Variants in RGL1 observed in about 807,000 individuals in gnomAD.
RGL1 encodes the protein ral guanine nucleotide dissociation stimulator-like 1.
Under a neutral mutation model 95.2 loss-of-function variants are expected in RGL1, and 24 were observed. The ratio of observed to expected loss-of-function variants is 0.25; its 90% CI spans 0.18 to 0.35. The LOEUF is 0.35. Ranked by LOEUF, RGL1 falls within the 10% of genes least tolerant of loss-of-function variation. The pLI is 1.00. For synonymous variants in RGL1, 329 were observed against 344.9 expected, an observed-to-expected ratio of 0.95 and a Z score of 0.51; for missense variants, 715 against 936.3, an observed-to-expected ratio of 0.76 and a Z score of 3.08.
chr1:183,755,827 T>A (rs896444625), intron 2 of RGL1, among the ~76,000 whole-genome samples: 1 of 152,096 alleles, frequency 6.6e-6, no homozygotes, highest in South Asian at 2.1e-4. Flanking sequence ...TGGGCACTCA[T>A]AGGTGTGCAT....
At chr1:183,776,685 T>C (rs1217167669) in intron 2 of RGL1, among the ~76,000 whole-genome samples, 1 of 151,920 alleles carries the variant, frequency 6.6e-6, no homozygotes, top group African/African-American at 2.4e-5. Flanking sequence ...CTACAGGGAA[T>C]GGAGAATGAA....
chr1:183,636,607 T>G (rs1383992538), intron 1 of RGL1: 1 of 157,200 alleles, frequency 6.4e-6, no homozygotes, highest in Non-Finnish European at 1.4e-5. Flanking sequence ...CATTGACATC[T>G]TAAAATAGGT....
intron 11 of RGL1, 54 bp from the exon 12 acceptor site, chr1:183,902,514 G>T: frequency 2.0e-6 from 3 of 1,486,394 alleles, no homozygotes; most frequent in Non-Finnish European, 1.9e-6. Context: ...ACAACATATG[G>T]CTGTGTTTTA....
chr1:183,723,324 TA>T (rs201461914), intron 1 of RGL1, among the ~76,000 whole-genome samples: 4 of 152,044 alleles, frequency 2.6e-5, no homozygotes, highest in African/African-American at 9.7e-5. Context: ...TCTACCCACA[TA>T]AAAAAACACC....
At chr1:183,656,311 A>G (rs1207700673) in intron 1 of RGL1, among the ~76,000 whole-genome samples, 2 of 152,214 alleles carry the variant, frequency 1.3e-5, no homozygotes, top group African/African-American at 4.8e-5. Context: ...AGTTTTGGTC[A>G]GTGTCAAAAT....
intron 5 of RGL1, among the ~76,000 whole-genome samples, chr1:183,881,026 G>T (rs924319416): frequency 1.3e-5 from 2 of 152,086 alleles, no homozygotes; most frequent in Non-Finnish European, 1.5e-5. Context: ...ACCTAATCTG[G>T]CTCCCTCATT....
intron 2 of RGL1, among the ~76,000 whole-genome samples, chr1:183,839,164 C>T (rs1338853059): frequency 6.6e-6 from 1 of 152,214 alleles, no homozygotes; most frequent in African/African-American, 2.4e-5. Context: ...GGTACTCATC[C>T]AGATACCATC....
intron 1 of RGL1, among the ~76,000 whole-genome samples, chr1:183,645,458 C>T (rs1650220270): frequency 6.6e-6 from 1 of 152,214 alleles, no homozygotes; most frequent in South Asian, 2.1e-4. Flanking sequence ...TTTTCCAGAT[C>T]ATCATATTAC....
chr1:183,896,266 G>A (rs1667694105), intron 9 of RGL1, among the ~76,000 whole-genome samples: 1 of 152,152 alleles, frequency 6.6e-6, no homozygotes, highest in South Asian at 2.1e-4. Context: ...GCTCAAGTTG[G>A]ACTTGAACTC....
chr1:183,912,199 G>A lies in RGL1; in HGVS notation c.1680G>A (p.Glu560=), dbSNP rs976062839. The part of the protein sequence containing the change: ...SMDSVSVSSC[E]SNHSEAEEGS... ...ACTCTGTCAGCGTGTCATCCTGCGA[G>A]TCGAACCACTCAGAGGCTGAGGAGG... Residue 560 remains glutamate, a synonymous_variant, in exon 15 of 18, where the codon GAG becomes GAA. Coordinates refer to ENST00000360851, the MANE Select transcript of RGL1 (RefSeq NM_001297671.3). The A allele has an allele frequency of 6.2e-7, 1 of 1,614,090 alleles. No homozygotes were observed. The highest frequency in any genetic ancestry group is 8.5e-7 in the Non-Finnish European group (1 of 1,180,004).
chr1:183,639,226 A>G (rs1166891515), intron 1 of RGL1, among the ~76,000 whole-genome samples: 3 of 151,108 alleles, frequency 2.0e-5, no homozygotes, highest in Non-Finnish European at 4.4e-5. Flanking sequence ...GATGGCAGTG[A>G]GCTGAGATCG....
In RGL1 at chr1:183,916,519, A is replaced by G. The variant is rs746046181; in HGVS notation, c.1822A>G (p.Ile608Val). Residue 608 changes from isoleucine to valine, a missense_variant, in exon 16 of 18, where the codon ATC becomes GTC. Transcript: ENST00000360851. ...DTNSSGMSSL[I>V]NPLSSPPSCN... Reference sequence around the variant, plus strand: ...AAATTCCTCAGGGATGTCTTCCTTAATCAACCCCCTCTCCTCCCCTCCGTC... The same window carrying G: ...AAATTCCTCAGGGATGTCTTCCTTAGTCAACCCCCTCTCCTCCCCTCCGTC... The G allele has an allele frequency of 8.7e-6, 14 of 1,612,310 alleles. No individual in the cohort carries two copies. Among genetic ancestry groups the G allele is most frequent in the Non-Finnish European group, 1.2e-5 (14 of 1,179,828 alleles).
chr1:183,748,080 G>A (rs970422794), intron 2 of RGL1, among the ~76,000 whole-genome samples: 5 of 151,924 alleles, frequency 3.3e-5, no homozygotes, highest in Admixed American at 1.3e-4. Flanking sequence ...ATGTGTCCAG[G>A]AATTTCTTCT....
At chr1:183,805,444 A>T in intron 1 of RGL1, 120 bp downstream of exon 1, 1 of 859,076 alleles carries the variant, frequency 1.2e-6, no homozygotes, top group Non-Finnish European at 1.9e-6. Context: ...CATACTTGTG[A>T]GCTAAAGCTC....
chr1:183,775,119 C>T (rs1659522775), intron 2 of RGL1, among the ~76,000 whole-genome samples: 1 of 152,210 alleles, frequency 6.6e-6, no homozygotes, highest in Admixed American at 6.5e-5. Flanking sequence ...CCCATCTCCT[C>T]AGCTGCAGCA....
intron 2 of RGL1, among the ~76,000 whole-genome samples, chr1:183,770,967 A>G (rs776834392): frequency 6.6e-6 from 1 of 152,170 alleles, no homozygotes; most frequent in Non-Finnish European, 1.5e-5. Flanking sequence ...ATGAGGTGGT[A>G]CCATACTGCA....
intron 2 of RGL1, among the ~76,000 whole-genome samples, chr1:183,756,565 G>A (rs1658350832): frequency 6.6e-6 from 1 of 152,192 alleles, no homozygotes; most frequent in Non-Finnish European, 1.5e-5. Context: ...ATGCTAGTCT[G>A]TCAGACATGT....
At chr1:183,737,580 T>C (rs1231208622) in intron 1 of RGL1, among the ~76,000 whole-genome samples, 5 of 83,396 alleles carry the variant, frequency 6.0e-5, no homozygotes, top group Admixed American at 2.6e-4. Flanking sequence ...ATTCTATCTC[T>C]ACAAAAAAAA....
chr1:183,871,039 C>A (rs547512332), intron 4 of RGL1, among the ~76,000 whole-genome samples: 2 of 152,306 alleles, frequency 1.3e-5, no homozygotes, highest in South Asian at 4.1e-4. Context: ...GGAGTAAATG[C>A]TCGCTGAGGT....
Sources: allele counts gnomAD v4.1 joint callset (sites outside exome capture counted in the v4.1 genomes callset), GRCh38; gene constraint gnomAD v4.1.1; transcripts MANE v1.5; gene names NCBI Gene and HGNC (gene_info 2026-07-23, HGNC 2026-07-21).